Variants in EP300 observed in about 807,000 individuals in gnomAD.
The protein encoded by EP300 is EP300 lysine acetyltransferase.
Under a neutral mutation model 264.0 loss-of-function variants are expected in EP300, and 31 were observed. The ratio of observed to expected loss-of-function variants is 0.12; its 90% CI spans 0.09 to 0.16. The LOEUF is 0.16. Ranked by LOEUF, EP300 falls within the 10% of genes least tolerant of loss-of-function variation. EP300 has a pLI of 1.00. For missense variants in EP300, 2,766 were observed against 3,052.9 expected (o/e 0.91, Z 2.21); for synonymous variants, 1,340 against 1,045.4 (o/e 1.28, Z -5.44).
chr22:41,179,880 TCACA>T lies in EP300; in HGVS notation c.*964_*967del, dbSNP rs59721178. The T allele has an allele frequency of 0.049, 8,104 of 166,630 alleles. 452 individuals carry two copies. The highest frequency in any genetic ancestry group is 0.1 in the African/African-American group (4,094 of 39,808). 10.3% of individuals were successfully genotyped at this position (166,630 alleles called of 1,614,324 possible). ...TCTTCCTCCTTACCCTACCCCCCAC[TCACA>T]CACACACACACACACACACACACAC... On this transcript the variant is annotated 3_prime_UTR_variant, in exon 31 of 31. Transcript: ENST00000263253.
At chr22:41,171,872 C>G (rs2059172862) in intron 27 of EP300, among the ~76,000 whole-genome samples, 1 of 152,084 alleles carries the variant, frequency 6.6e-6, no homozygotes, top group African/African-American at 2.4e-5. Context: ...CTCGGCCTCC[C>G]AAAGTGCTGG....
chr22:41,094,438 TTTAAG>T (rs1175305229), intron 1 of EP300, among the ~76,000 whole-genome samples: 2 of 152,200 alleles, frequency 1.3e-5, no homozygotes, highest in East Asian at 1.9e-4. Context: ...GTGAAATGAA[TTTAAG>T]TTAACCTGCA....
chr22:41,164,274 T>C (rs1402110826), intron 22 of EP300, 144 bp downstream of exon 22: 1 of 782,906 alleles, frequency 1.3e-6, no homozygotes, highest in Non-Finnish European at 2.1e-6. Flanking sequence ...ACGATAATTA[T>C]AGTTCGCTTT....
chr22:41,158,527 G>A lies in EP300; in HGVS notation c.3590+27G>A, dbSNP rs1402542605. 1.9e-6 allele frequency: 3 copies of A among 1,587,216 alleles called. No individual in the cohort carries two copies. In the African/African-American group the frequency reaches 4.0e-5, roughly 21 times the overall value. ...TAAGCTTGGCCAGGTGTGGACCATG[G>A]TCCATGTGTCCACATGTCCAGGGAG... On this transcript the variant is annotated intron_variant, in intron 19 of 30. Coordinates refer to ENST00000263253, the MANE Select transcript of EP300 (RefSeq NM_001429.4).
At chr22:41,150,657 G>A (rs1220179556) in intron 14 of EP300, among the ~76,000 whole-genome samples, 1 of 152,092 alleles carries the variant, frequency 6.6e-6, no homozygotes, top group East Asian at 1.9e-4. Context: ...GGGAGGCTGT[G>A]GCAGGCAGAT....
At chr22:41,171,027 G>A (rs998401809) in intron 27 of EP300, among the ~76,000 whole-genome samples, 16 of 147,160 alleles carry the variant, frequency 1.1e-4, no homozygotes, top group Non-Finnish European at 1.9e-4. Context: ...TCCTAAAAAT[G>A]CTAATTTGAT....
rs563361127 is a variant in EP300, at chr22:41,147,082, A to G, written c.2131+266A>G. 7.9e-5 allele frequency among the ~76,000 whole-genome samples: 12 copies of G among 152,132 alleles called. No individual in the cohort carries two copies. The South Asian group carries it at 1.9e-3, about 24-fold the overall frequency. On this transcript the variant is annotated intron_variant, in intron 11 of 30. Coordinates refer to ENST00000263253, the MANE Select transcript of EP300 (RefSeq NM_001429.4). ...CACTTTGGGAGGCCGAGGCTGGTGT[A>G]CCACCTGAGGTCAAAGTACGAGACC...
Position 41,116,104 on chromosome 22 carries a change from T to A in EP300, c.95-1083T>A, listed in dbSNP as rs560643079. On this transcript the variant is annotated intron_variant, in intron 1 of 30. Coordinates refer to ENST00000263253, the MANE Select transcript of EP300 (RefSeq NM_001429.4). ...CATTTCTTTTTTCCATGACTGTGGA[T>A]ACAAACCTTTAGCTAGCAACTCATG... Among the ~76,000 whole-genome samples the A allele has an allele frequency of 8.5e-5, 13 of 152,368 alleles. No homozygotes were observed. In the East Asian group the frequency reaches 2.3e-3, roughly 27 times the overall value.
At chr22:41,160,532 C>A in intron 19 of EP300, 110 bp from the exon 20 acceptor site, 2 of 909,872 alleles carry the variant, frequency 2.2e-6, no homozygotes, top group Non-Finnish European at 3.6e-6. Flanking sequence ...GACCTGCTCT[C>A]TGCTCCCGTC....
At chr22:41,093,422 T>TC (rs1367938468) in intron 1 of EP300, among the ~76,000 whole-genome samples, 1 of 152,228 alleles carries the variant, frequency 6.6e-6, no homozygotes, top group African/African-American at 2.4e-5. Context: ...GTGTAAGAGC[T>TC]CCTATGCAAT....
intron 12 of EP300, 164 bp from the exon 13 acceptor site, chr22:41,148,874 C>G (rs1250419650): frequency 2.4e-6 from 2 of 829,596 alleles, no homozygotes; most frequent in Non-Finnish European, 3.8e-6. Flanking sequence ...GTCAGTTGTT[C>G]TACAACTTTC....
chr22:41,172,986 C>T (rs181922152), intron 28 of EP300, among the ~76,000 whole-genome samples: 95 of 152,192 alleles, frequency 6.2e-4, no homozygotes, highest in Non-Finnish European at 1.2e-3. Flanking sequence ...CCTTGTGGGT[C>T]ACATATCTCT....
intron 2 of EP300, among the ~76,000 whole-genome samples, chr22:41,123,883 C>A (rs994921883): frequency 6.6e-6 from 1 of 152,122 alleles, no homozygotes; most frequent in African/African-American, 2.4e-5. Context: ...TGCTGTTTTT[C>A]AATTAATTAT....
rs1314096851 is a variant in EP300, at chr22:41,179,628, A to G, written c.*672A>G. The G allele has an allele frequency of 9.0e-6, 2 of 222,312 alleles. No homozygotes were observed. Among genetic ancestry groups the G allele is most frequent in the Non-Finnish European group, 1.8e-5 (2 of 111,432 alleles). The allele number at this position is 222,312 out of a possible 1,614,324, so 13.8% of individuals were successfully genotyped here. ...TAAGTCTGAGCGTAAAACTTCAAGT[A>G]TTAAAATAATTTGTACATGTAGAGA... On this transcript the variant is annotated 3_prime_UTR_variant, in exon 31 of 31. Transcript: ENST00000263253.
At chr22:41,154,248 T>C (rs2059063469) in intron 16 of EP300, among the ~76,000 whole-genome samples, 1 of 152,138 alleles carries the variant, frequency 6.6e-6, no homozygotes, top group African/African-American at 2.4e-5. Context: ...TGCCCCTGAC[T>C]CCTTGTAGTA....
In EP300 at chr22:41,161,823, A is replaced by G. The variant is rs75876409; in HGVS notation, c.3672-900A>G. On this transcript the variant is annotated intron_variant, in intron 20 of 30. Transcript: ENST00000263253. ...ATGGGGCTTCTGAGAAAAGCTGGTT[A>G]ATTTTTCTAAATTGCGTTCTAAAGA... Among the ~76,000 whole-genome samples, 1,416 of 152,184 alleles carry G rather than the reference A, an allele frequency of 9.3e-3. 28 individuals carry two copies. Among genetic ancestry groups the G allele is most frequent in the African/African-American group, 0.032 (1,337 of 41,510 alleles).
At chr22:41,163,890 A>G (rs1249123767) in intron 21 of EP300, among the ~76,000 whole-genome samples, 163 bp from the exon 22 acceptor site, 1 of 152,232 alleles carries the variant, frequency 6.6e-6, no homozygotes, top group Non-Finnish European at 1.5e-5. Context: ...TCCAGCCTGT[A>G]CAACAGAGAC....
intron 1 of EP300, among the ~76,000 whole-genome samples, chr22:41,102,501 T>TGACTGTA (rs915108362): frequency 5.3e-5 from 8 of 152,242 alleles, no homozygotes; most frequent in Admixed American, 5.2e-4. Flanking sequence ...GCCAAAAACT[T>TGACTGTA]GACTGTAGAG....
intron 1 of EP300, among the ~76,000 whole-genome samples, chr22:41,102,201 A>G (rs1011996182): frequency 6.6e-6 from 1 of 151,972 alleles, no homozygotes; most frequent in African/African-American, 2.4e-5. Context: ...TCCTCTGTAC[A>G]TTGTTCCTTC....
Sources: gnomAD v4.1 joint callset for allele counts (sites outside exome capture counted in the v4.1 genomes callset) on GRCh38, gnomAD v4.1.1 for gene constraint, MANE v1.5 for transcripts, NCBI Gene and HGNC (gene_info 2026-07-23, HGNC 2026-07-21) for gene names.